Variants in DCAF15 observed in about 807,000 individuals in gnomAD.
The protein encoded by DCAF15 is DDB1- and CUL4-associated factor 15.
Under a neutral mutation model 68.0 loss-of-function variants are expected in DCAF15, and 24 were observed. The ratio of observed to expected loss-of-function variants is 0.35; its 90% CI spans 0.26 to 0.50. The LOEUF (loss-of-function observed/expected upper bound fraction) is 0.50. Ranked by LOEUF, DCAF15 falls within the 20% of genes least tolerant of loss-of-function variation. DCAF15 has a pLI of 0.98. For synonymous variants in DCAF15, 376 were observed against 341.6 expected (o/e 1.10, Z -1.11); for missense variants, 627 against 830.6 (o/e 0.75, Z 3.01).
intron 10 of DCAF15, 78 bp downstream of exon 10, chr19:13,960,147 T>G: frequency 6.3e-7 from 1 of 1,586,288 alleles, no homozygotes; most frequent in South Asian, 1.1e-5. Flanking sequence ...TGTGGGGACG[T>G]GAGAAGGCTC....
intron 1 of DCAF15, chr19:13,952,936 G>A: frequency 1.1e-6 from 1 of 882,268 alleles, no homozygotes; most frequent in African/African-American, 1.8e-5. Context: ...CCCAGAGGCC[G>A]CAGGGAGAAT....
At chr19:13,958,971 GA>G in intron 6 of DCAF15, 73 bp from the exon 7 acceptor site, 1 of 1,507,948 alleles carries the variant, frequency 6.6e-7, no homozygotes. Context: ...GTGGGTTTCT[GA>G]AAACCCCTGG....
At chr19:13,954,684 C>G (rs1973273564) in intron 3 of DCAF15, 23 bp downstream of exon 3, 2 of 1,613,252 alleles carry the variant, frequency 1.2e-6, no homozygotes, top group Non-Finnish European at 1.7e-6. Flanking sequence ...CAACACCAGG[C>G]TGGCCCTTCA....
chr19:13,957,459 T>C (rs2145496274), intron 6 of DCAF15, among the ~76,000 whole-genome samples: 1 of 152,028 alleles, frequency 6.6e-6, no homozygotes, highest in African/African-American at 2.4e-5. Flanking sequence ...TCCCTGGGGA[T>C]TGGGGAGCGA....
rs567348201 is a variant in DCAF15, at chr19:13,956,171, C to T, written c.522C>T (p.Asp174=). The T allele has an allele frequency of 7.4e-5, 119 of 1,610,216 alleles. No homozygotes were observed. The highest frequency in any genetic ancestry group is 1.7e-4 in the Middle Eastern group (1 of 6,054). Residue 174 remains aspartate (D), a synonymous_variant, in exon 5 of 13, where the codon GAC becomes GAT. Transcript: ENST00000254337. The part of the protein sequence containing the change: ...GMLMNMMMMS[D]ENHRDIYVST... ...TCATGAACATGATGATGATGAGTGA[C>T]GAGAACCACCGTGACATCTACGTCA...
chr19:13,960,873 G>A (rs894088246), intron 12 of DCAF15, 67 bp from the exon 13 acceptor site: 4 of 1,604,594 alleles, frequency 2.5e-6, no homozygotes, highest in Non-Finnish European at 3.4e-6. Flanking sequence ...AGCAAGTCAG[G>A]TGGAGGGTGT....
chr19:13,961,326 G>A lies in DCAF15; in HGVS notation c.*331G>A, dbSNP rs1172486996. The A allele has an allele frequency of 2.5e-6, 1 of 397,320 alleles. No homozygotes were observed. The highest frequency in any genetic ancestry group is 4.7e-6 in the Non-Finnish European group (1 of 211,536). The allele number at this position is 397,320 out of a possible 1,614,324, so 24.6% of individuals were successfully genotyped here. ...CTACAGCTGTGGACGTTGCCCTCGG[G>A]GAGGTCGAATGGACCCCATTCCCCC... On this transcript the variant is annotated 3_prime_UTR_variant, in exon 13 of 13. Transcript: ENST00000254337.
rs1973164082 is a variant in DCAF15, at chr19:13,953,175, C to T, written c.132+531C>T. On this transcript the variant is annotated intron_variant, in intron 1 of 12. Transcript: ENST00000254337. ...GCTCCCTGGATAGGGCTGAGTCTTC[C>T]CCCGCAGAGTGAGAGTTACCGAAGC... 2.0e-6 allele frequency: 3 copies of T among 1,514,772 alleles called. No homozygotes were observed. In the East Asian group the frequency reaches 8.0e-5, roughly 40 times the overall value. 93.8% of individuals were successfully genotyped at this position (1,514,772 alleles called of 1,614,324 possible).
chr19:13,960,793 G>A, intron 12 of DCAF15, 147 bp from the exon 13 acceptor site: 1 of 1,036,618 alleles, frequency 9.6e-7, no homozygotes, highest in South Asian at 1.5e-5. Flanking sequence ...TACATTTATT[G>A]GGTAGCTGCA....
At chr19:13,959,925 G>GGGCGGGCAGGGTGGGCCCAA (rs758143838) in intron 9 of DCAF15, 30 bp downstream of exon 9, 6 of 1,613,602 alleles carry the variant, frequency 3.7e-6, no homozygotes, top group Non-Finnish European at 5.1e-6. Flanking sequence ...GGTGGGCCCA[G>GGGCGGGCAGGGTGGGCCCAA]GGCCTCCTGT....
chr19:13,952,803 T>G (rs1599457587), intron 1 of DCAF15, among the ~76,000 whole-genome samples, 159 bp downstream of exon 1: 2 of 91,366 alleles, frequency 2.2e-5, no homozygotes, highest in Non-Finnish European at 4.5e-5. Flanking sequence ...GGGAGATGGC[T>G]TGGATGGAGG....
At chr19:13,960,262 T>G (rs779420204) in intron 10 of DCAF15, 25 bp from the exon 11 acceptor site, 49 of 1,609,322 alleles carry the variant, frequency 3.0e-5, no homozygotes, top group Non-Finnish European at 3.5e-5. Flanking sequence ...TCCCAGCGTT[T>G]GTCCTATGTC....
rs922101437 is a variant in DCAF15 at position 13,953,361 on chromosome 19, C to T, written c.132+717C>T. ...TCTCTGTGGACAGGGACTGCGCCTT[C>T]TCCGTGAGGCTGGTAGCTTTGTAAG... On this transcript the variant is annotated intron_variant, in intron 1 of 12. Coordinates refer to ENST00000254337, the MANE Select transcript of DCAF15 (RefSeq NM_138353.4). The T allele has an allele frequency of 3.6e-5, 18 of 496,068 alleles. 2 individuals are homozygous for T. Among genetic ancestry groups the T allele is most frequent in the Admixed American group, 2.4e-4 (6 of 25,528 alleles). The allele number at this position is 496,068 out of a possible 1,614,324, so 30.7% of individuals were successfully genotyped here.
chr19:13,959,829 C>T lies in DCAF15; in HGVS notation c.1374C>T (p.Ile458=), dbSNP rs1266703798. The T allele has an allele frequency of 1.2e-6, 2 of 1,608,682 alleles. No homozygotes were observed. The highest frequency in any genetic ancestry group is 1.4e-5 in the African/African-American group (1 of 71,418). The change falls in exon 9 of 13, where the codon ATC becomes ATT. Residue 458 remains isoleucine (I), a synonymous_variant. Coordinates refer to ENST00000254337, the MANE Select transcript of DCAF15 (RefSeq NM_138353.4). ...LDFEYVINEV[I]RHDATWGHQF... ...TCGAATATGTTATCAATGAGGTCATCCGCCACGACGCTACCTGGGGCCATC... is the reference window on the plus strand; with the variant it reads ...TCGAATATGTTATCAATGAGGTCATTCGCCACGACGCTACCTGGGGCCATC...
Position 13,960,456 on chromosome 19 carries a change from G to A in DCAF15, c.1632-9G>A, listed in dbSNP as rs752052231. On this transcript the variant is annotated splice_polypyrimidine_tract_variant and intron_variant, in intron 11 of 12. Coordinates refer to ENST00000254337, the MANE Select transcript of DCAF15 (RefSeq NM_138353.4). Reference sequence around the variant, plus strand: ...GGCGACGAGAGCCACTCACCCCCTGGCCCCGCAGCGGCAGTGTCTGGAGCT... The same window carrying A: ...GGCGACGAGAGCCACTCACCCCCTGACCCCGCAGCGGCAGTGTCTGGAGCT... 6.2e-7 allele frequency: 1 copy of A among 1,611,626 alleles called. No homozygotes were observed. Among genetic ancestry groups the A allele is most frequent in the Non-Finnish European group, 8.5e-7 (1 of 1,179,016 alleles).
chr19:13,953,208 G>C (rs1973167094), intron 1 of DCAF15: 5 of 1,408,388 alleles, frequency 3.6e-6, no homozygotes, highest in Non-Finnish European at 4.8e-6. Context: ...AGCAGGCTCT[G>C]TCTCCTCCAT....
intron 6 of DCAF15, 115 bp downstream of exon 6, chr19:13,956,637 C>A: frequency 8.3e-7 from 1 of 1,205,224 alleles, no homozygotes; most frequent in Non-Finnish European, 1.2e-6. Context: ...TTCCCCAAGT[C>A]ACACAGCCTG....
At chr19:13,957,781 T>C (rs1390522688) in intron 6 of DCAF15, among the ~76,000 whole-genome samples, 5 of 151,964 alleles carry the variant, frequency 3.3e-5, no homozygotes, top group Non-Finnish European at 7.4e-5. Flanking sequence ...TGGTGGCACA[T>C]GCTTATAATT....
Position 13,955,981 on chromosome 19 carries a change from C to T in DCAF15, c.436C>T (p.Pro146Ser). 6.2e-7 allele frequency: 1 copy of T among 1,613,904 alleles called. No homozygotes were observed. Among genetic ancestry groups the T allele is most frequent in the African/African-American group, 1.3e-5 (1 of 75,050 alleles). Residue 146 changes from proline (P) to serine (S), a missense_variant, in exon 4 of 13, where the codon CCC becomes TCC. Physicochemically the swap from Pro to Ser is moderately conservative, Grantham distance 74. Around this residue, in one of 3 missense-constraint regions of DCAF15, gnomAD observed 273 missense variants for 393.7 expected, o/e 0.69. Coordinates refer to ENST00000254337, the MANE Select transcript of DCAF15 (RefSeq NM_138353.4). ...CCTGTACCTGACCGTATGCGAGTGG[C>T]CCAGCGACGCCTCCAAGGTCATCGT... ...SDLYLTVCEW[P>S]SDASKVIVFG...
Sources: allele counts gnomAD v4.1 joint callset (sites outside exome capture counted in the v4.1 genomes callset), GRCh38; gene constraint gnomAD v4.1.1; regional missense constraint gnomAD v4.1.1; transcripts MANE v1.5; gene names NCBI Gene and HGNC (gene_info 2026-07-23, HGNC 2026-07-21).